The following FHIP1A variants were observed in gnomAD, a reference collection of about 807,000 sequenced individuals.
FHIP1A encodes the protein FHF complex subunit HOOK interacting protein 1A, also known as FHF complex subunit HOOK-interacting protein 1A.
FHIP1A carries 61 observed loss-of-function variants against 88.6 expected under a neutral mutation model. That is an observed-to-expected ratio of 0.69 (90% CI 0.56 to 0.85). The LOEUF is 0.85. Among genes scored for constraint, FHIP1A ranks in the 40% least tolerant of loss-of-function variants. The pLI, the probability that FHIP1A is intolerant of heterozygous loss-of-function variation, is 0.00. For synonymous variants in FHIP1A, 478 were observed against 496.0 expected (o/e 0.96, Z 0.48); for missense variants, 1,154 against 1,273.5 (o/e 0.91, Z 1.43).
chr4:151,610,704 C>G (rs555397476), intron 7 of FHIP1A, among the ~76,000 whole-genome samples: 24 of 152,218 alleles, frequency 1.6e-4, no homozygotes, highest in African/African-American at 4.1e-4. Flanking sequence ...TCTATTCCAA[C>G]TACATTTATC....
chr4:151,653,818 G>C (rs1737124001), intron 11 of FHIP1A, among the ~76,000 whole-genome samples: 3 of 152,150 alleles, frequency 2.0e-5, no homozygotes, highest in Admixed American at 6.5e-5. Flanking sequence ...AGTGCAGGAA[G>C]AGGGTGCAGG....
chr4:151,470,466 C>G (rs1165540043), intron 2 of FHIP1A, among the ~76,000 whole-genome samples: 1 of 152,058 alleles, frequency 6.6e-6, no homozygotes, highest in Non-Finnish European at 1.5e-5. Context: ...AGATGTTGGT[C>G]GTTTATTTCA....
At chr4:151,659,000 T>A (rs1737355193) in intron 13 of FHIP1A, among the ~76,000 whole-genome samples, 1 of 152,050 alleles carries the variant, frequency 6.6e-6, no homozygotes, top group Non-Finnish European at 1.5e-5. Context: ...CCTTAACCCC[T>A]ACATTCAGGG....
At chr4:151,614,940 C>G (rs1033287867) in intron 7 of FHIP1A, among the ~76,000 whole-genome samples, 1 of 152,158 alleles carries the variant, frequency 6.6e-6, no homozygotes, top group Admixed American at 6.5e-5. Context: ...AATTTCACCT[C>G]TTTCTGTGGT....
At chr4:151,486,898 G>C (rs904119051) in intron 3 of FHIP1A, among the ~76,000 whole-genome samples, 1 of 151,358 alleles carries the variant, frequency 6.6e-6, no homozygotes, top group Non-Finnish European at 1.5e-5. Context: ...AACCTGGGAG[G>C]TAGAGGTTGC....
chr4:151,659,541 A>T (rs1413149203), intron 13 of FHIP1A, among the ~76,000 whole-genome samples: 1 of 152,136 alleles, frequency 6.6e-6, no homozygotes, highest in Non-Finnish European at 1.5e-5. Context: ...CTCTCTCCTC[A>T]CTTCTGAAAT....
intron 1 of FHIP1A, among the ~76,000 whole-genome samples, chr4:151,444,852 A>G (rs1191574384): frequency 6.6e-6 from 1 of 152,178 alleles, no homozygotes; most frequent in African/African-American, 2.4e-5. Context: ...ACAATTTTTT[A>G]CTGTATACTC....
chr4:151,554,377 G>C (rs1732864674), intron 3 of FHIP1A, among the ~76,000 whole-genome samples: 1 of 152,096 alleles, frequency 6.6e-6, no homozygotes, highest in Non-Finnish European at 1.5e-5. Flanking sequence ...TGGATTAAAT[G>C]CTTACTAAAT....
chr4:151,580,018 G>T (rs1733960951), intron 5 of FHIP1A, among the ~76,000 whole-genome samples: 1 of 152,150 alleles, frequency 6.6e-6, no homozygotes, highest in African/African-American at 2.4e-5. Context: ...TTGTACCTAA[G>T]AACATTATAC....
At chr4:151,576,432 T>C (rs1733793355) in intron 4 of FHIP1A, among the ~76,000 whole-genome samples, 2 of 152,022 alleles carry the variant, frequency 1.3e-5, no homozygotes, top group Non-Finnish European at 2.9e-5. Context: ...TCCTAATACC[T>C]CAGAGTCTCA....
chr4:151,513,746 G>A (rs1051758962), intron 3 of FHIP1A, among the ~76,000 whole-genome samples: 14 of 152,076 alleles, frequency 9.2e-5, no homozygotes, highest in African/African-American at 3.4e-4. Context: ...TCAACAAGAA[G>A]AGCTAACTAT....
intron 2 of FHIP1A, among the ~76,000 whole-genome samples, chr4:151,471,885 T>C (rs1417569985): frequency 2.0e-5 from 3 of 152,218 alleles, no homozygotes; most frequent in Non-Finnish European, 4.4e-5. Flanking sequence ...TTTCCATTCC[T>C]GGGTTACTTA....
chr4:151,628,261 A>G (rs906727642), intron 7 of FHIP1A, among the ~76,000 whole-genome samples: 2 of 152,222 alleles, frequency 1.3e-5, no homozygotes, highest in Non-Finnish European at 2.9e-5. Flanking sequence ...AATGCACTGG[A>G]TAAGCATGCC....
At position 151,650,064 on chromosome 4, in the gene FHIP1A, CAG is replaced by C; in HGVS notation, c.2026_2027del (p.Ser676CysfsTer23). 6.4e-7 allele frequency: 1 copy of C among 1,551,666 alleles called. No homozygotes were observed. Among genetic ancestry groups the C allele is most frequent in the Non-Finnish European group, 8.7e-7 (1 of 1,146,994 alleles). On this transcript the variant is annotated frameshift_variant, in exon 11 of 14. Coordinates refer to ENST00000435205, the MANE Select transcript of FHIP1A (RefSeq NM_001109977.3). LOFTEE classifies it high-confidence loss of function. Reference sequence around the variant, plus strand: ...ACCAGCTGAAGCCCAGGCTGAAGTTCAGAGTGTCCCCATCAACAACGGCCCCC... The same window carrying C: ...ACCAGCTGAAGCCCAGGCTGAAGTTCAGTGTCCCCATCAACAACGGCCCCC... ...RPPAEAQAEVQSVPINNGPLL... is the reference protein window; with the variant it reads ...RPPAEAQAEVXSVPINNGPLL...
intron 3 of FHIP1A, among the ~76,000 whole-genome samples, chr4:151,534,210 A>G (rs963134411): frequency 1.3e-5 from 2 of 152,244 alleles, no homozygotes; most frequent in Non-Finnish European, 2.9e-5. Flanking sequence ...TGCAAACTCC[A>G]GTTTTCTCAT....
intron 1 of FHIP1A, among the ~76,000 whole-genome samples, chr4:151,412,519 T>C (rs980243852): frequency 3.3e-5 from 5 of 152,142 alleles, no homozygotes; most frequent in African/African-American, 9.7e-5. Context: ...CTTGTTACAT[T>C]TTGTGAAGTG....
chr4:151,655,375 T>C (rs1270173746), intron 11 of FHIP1A, among the ~76,000 whole-genome samples: 4 of 152,268 alleles, frequency 2.6e-5, no homozygotes, highest in African/African-American at 7.2e-5. Context: ...ATTAATTTTC[T>C]AGTGACCCAA....
intron 11 of FHIP1A, among the ~76,000 whole-genome samples, chr4:151,650,912 C>T (rs773614209): frequency 1.3e-4 from 20 of 152,320 alleles, no homozygotes; most frequent in Middle Eastern, 3.4e-3. Context: ...TTTATTCTAG[C>T]GTAACTAACT....
chr4:151,562,173 T>C (rs1337502246), intron 3 of FHIP1A, among the ~76,000 whole-genome samples: 1 of 152,204 alleles, frequency 6.6e-6, no homozygotes, highest in Non-Finnish European at 1.5e-5. Context: ...AGGCTTGGAC[T>C]GAGCCAACAA....
Sources: gnomAD v4.1 joint callset for allele counts (sites outside exome capture counted in the v4.1 genomes callset) on GRCh38, gnomAD v4.1.1 for gene constraint, MANE v1.5 for transcripts, NCBI Gene and HGNC (gene_info 2026-07-23, HGNC 2026-07-21) for gene names.